TRMT11: variants seen among roughly 807,000 people sequenced by gnomAD.
TRMT11 encodes tRNA (guanine(10)-N(2))-methyltransferase TRMT11.
A neutral mutation model predicts 62.8 loss-of-function variants in TRMT11; 53 were observed. The ratio of observed to expected loss-of-function variants is 0.84; its 90% CI spans 0.68 to 1.06. The LOEUF is 1.06. Ranked by LOEUF, TRMT11 falls within the 50% of genes least tolerant of loss-of-function variation. The probability of loss-of-function intolerance (pLI) is 0.00; values close to 1 mark genes in which losing one functional copy is unlikely to be tolerated. For missense variants in TRMT11, 556 were observed against 553.4 expected (o/e 1.00, Z -0.05); for synonymous variants, 188 against 190.3 (o/e 0.99, Z 0.10).
At chr6:126,230,240 T>A in the TRMT11 span, among the ~76,000 whole-genome samples, 40 of 152,318 alleles carry the variant, frequency 2.6e-4, no homozygotes, top group Admixed American at 2.1e-3. Context: ...CTTAACACCC[T>A]CTTCCTAACA....
chr6:126,181,370 C>T (rs912700279), intron 1 of TRMT11, among the ~76,000 whole-genome samples: 1 of 152,034 alleles, frequency 6.6e-6, no homozygotes, highest in East Asian at 1.9e-4. Context: ...ATTGTTAGTC[C>T]CACTCCTGTC....
At chr6:126,258,222 C>G in the TRMT11 span, 1 of 653,852 alleles carries the variant, frequency 1.5e-6, no homozygotes. Flanking sequence ...CTCACTGGGC[C>G]CTTATCGTCT....
the TRMT11 span, among the ~76,000 whole-genome samples, chr6:126,262,675 G>A: frequency 6.6e-6 from 1 of 152,180 alleles, no homozygotes; most frequent in Non-Finnish European, 1.5e-5. Context: ...GAGGACTGGG[G>A]GATTCTCCTG....
At chr6:125,989,124 CTTTT>C (rs971479523) in intron 1 of TRMT11, among the ~76,000 whole-genome samples, 1 of 94,426 alleles carries the variant, frequency 1.1e-5, no homozygotes. Context: ...AGTTTGGATT[CTTTT>C]TTTTTTTTTT....
At chr6:125,995,893 T>C (rs1791421077) in intron 2 of TRMT11, 74 bp from the exon 3 acceptor site, 1 of 885,904 alleles carries the variant, frequency 1.1e-6, no homozygotes, top group East Asian at 2.4e-5. Flanking sequence ...CTTCTCCTTA[T>C]TGACTTCTTG....
At chr6:126,079,735 GAA>G (rs919897540) in intron 17 of TRMT11, among the ~76,000 whole-genome samples, 7 of 147,538 alleles carry the variant, frequency 4.7e-5, no homozygotes, top group African/African-American at 1.7e-4. Flanking sequence ...AAAATGGAAA[GAA>G]AAAAAAAAGA....
intron 16 of TRMT11, among the ~76,000 whole-genome samples, chr6:126,044,404 G>A (rs533080524): frequency 1.1e-4 from 16 of 152,124 alleles, no homozygotes; most frequent in East Asian, 1.9e-4. Context: ...GTTCTGTTCC[G>A]TCGATCTATA....
intron 17 of TRMT11, among the ~76,000 whole-genome samples, chr6:126,082,719 T>G (rs182171835): frequency 6.6e-6 from 1 of 152,282 alleles, no homozygotes; most frequent in African/African-American, 2.4e-5. Flanking sequence ...TTTATTTTAT[T>G]CTATTTTTTT....
intron 1 of TRMT11, among the ~76,000 whole-genome samples, chr6:126,195,471 A>G (rs1778655010): frequency 6.6e-6 from 1 of 152,258 alleles, no homozygotes; most frequent in South Asian, 2.1e-4. Context: ...ACAAAATTTA[A>G]ATAGAAATAA....
chr6:126,181,063 G>C (rs762729593), intron 1 of TRMT11, among the ~76,000 whole-genome samples: 2 of 152,058 alleles, frequency 1.3e-5, no homozygotes, highest in Non-Finnish European at 2.9e-5. Context: ...TTAGAAAGAG[G>C]ATTTTTTTTT....
intron 17 of TRMT11, among the ~76,000 whole-genome samples, chr6:126,059,065 G>A (rs946219462): frequency 6.4e-5 from 2 of 31,062 alleles, no homozygotes; most frequent in Non-Finnish European, 1.2e-4. Flanking sequence ...TTTTTTTTTT[G>A]TAGAGACAGG....
At chr6:126,064,709 TC>T (rs566529303) in intron 17 of TRMT11, among the ~76,000 whole-genome samples, 4 of 151,678 alleles carry the variant, frequency 2.6e-5, no homozygotes, top group Admixed American at 6.6e-5. Context: ...CCAAAAAAAA[TC>T]ATGTAAGTTA....
the TRMT11 span, among the ~76,000 whole-genome samples, chr6:126,262,010 TG>T: frequency 6.6e-6 from 1 of 151,954 alleles, no homozygotes; most frequent in Non-Finnish European, 1.5e-5. Flanking sequence ...TACAGCGAGG[TG>T]GGAAGTCCTG....
At chr6:126,237,094 AGAC>A in the TRMT11 span, among the ~76,000 whole-genome samples, 1 of 151,176 alleles carries the variant, frequency 6.6e-6, no homozygotes, top group African/African-American at 2.5e-5. Flanking sequence ...AGAGAGAGAG[AGAC>A]TGATTATTGA....
the TRMT11 span, among the ~76,000 whole-genome samples, chr6:126,264,131 T>G: frequency 1.3e-5 from 2 of 152,206 alleles, no homozygotes; most frequent in African/African-American, 2.4e-5. Context: ...TGGAGCCTTA[T>G]GTCAAGTTAA....
intron 6 of TRMT11, among the ~76,000 whole-genome samples, chr6:125,999,138 G>A (rs1792074987): frequency 6.6e-6 from 1 of 152,036 alleles, no homozygotes; most frequent in African/African-American, 2.4e-5. Flanking sequence ...AGCTGTGAGT[G>A]GAAGTTGTGA....
At chr6:126,011,010 AGT>A (rs1347044075) in intron 8 of TRMT11, among the ~76,000 whole-genome samples, 1 of 152,170 alleles carries the variant, frequency 6.6e-6, no homozygotes, top group African/African-American at 2.4e-5. Flanking sequence ...ATATCGAATG[AGT>A]GTTTTAAGGC....
intron 5 of TRMT11, 63 bp downstream of exon 5, chr6:125,998,378 A>G: frequency 7.7e-7 from 1 of 1,295,296 alleles, no homozygotes; most frequent in Non-Finnish European, 1.1e-6. Flanking sequence ...TTGTTGATAT[A>G]TAGGAATACC....
chr6:126,218,166 A>G, the TRMT11 span, among the ~76,000 whole-genome samples: 2 of 152,116 alleles, frequency 1.3e-5, no homozygotes, highest in Non-Finnish European at 2.9e-5. Flanking sequence ...CCCAAAAACC[A>G]AGGTCTAGAA....
Sources: allele counts gnomAD v4.1 joint callset (sites outside exome capture counted in the v4.1 genomes callset), GRCh38; gene constraint gnomAD v4.1.1; transcripts MANE v1.5; gene names NCBI Gene and HGNC (gene_info 2026-07-23, HGNC 2026-07-21).